The following RNF220 variants were observed in gnomAD, a reference collection of about 807,000 sequenced individuals.
The protein encoded by RNF220 is E3 ubiquitin-protein ligase RNF220.
Under a neutral mutation model 67.1 loss-of-function variants are expected in RNF220, and 7 were observed. That is an observed-to-expected ratio of 0.10 (90% CI 0.06 to 0.20). The LOEUF (loss-of-function observed/expected upper bound fraction) is 0.20. Among genes scored for constraint, RNF220 ranks in the 10% least tolerant of loss-of-function variants. RNF220 has a pLI of 1.00. For synonymous variants in RNF220, 270 were observed against 283.2 expected, an observed-to-expected ratio of 0.95 and a Z score of 0.47; for missense variants, 565 against 740.3, an observed-to-expected ratio of 0.76 and a Z score of 2.75.
chr1:44,462,393 T>C (rs1158509962), intron 2 of RNF220, among the ~76,000 whole-genome samples: 2 of 152,164 alleles, frequency 1.3e-5, no homozygotes, highest in African/African-American at 4.8e-5. Context: ...ATAAAACTCA[T>C]AATATGTCGC....
intron 2 of RNF220, among the ~76,000 whole-genome samples, chr1:44,453,524 A>T (rs1652886549): frequency 6.6e-6 from 1 of 152,066 alleles, no homozygotes; most frequent in African/African-American, 2.4e-5. Flanking sequence ...GGATATTAAA[A>T]TATATATAAC....
chr1:44,491,690 G>A (rs1219850170), intron 2 of RNF220, among the ~76,000 whole-genome samples: 1 of 151,358 alleles, frequency 6.6e-6, no homozygotes, highest in Non-Finnish European at 1.5e-5. Flanking sequence ...TTGAGACAAG[G>A]TCTCACTCTG....
intron 2 of RNF220, among the ~76,000 whole-genome samples, chr1:44,446,060 T>A (rs1652051763): frequency 6.6e-6 from 1 of 152,230 alleles, no homozygotes; most frequent in South Asian, 2.1e-4. Flanking sequence ...GTAACATTTG[T>A]CTAGTGAATT....
intron 2 of RNF220, among the ~76,000 whole-genome samples, chr1:44,433,490 T>C (rs1650629025): frequency 6.6e-6 from 1 of 152,212 alleles, no homozygotes; most frequent in South Asian, 2.1e-4. Flanking sequence ...ACTGTAAAGA[T>C]GAAGACATGA....
chr1:44,524,599 T>C (rs1334576976), intron 2 of RNF220, among the ~76,000 whole-genome samples: 1 of 152,208 alleles, frequency 6.6e-6, no homozygotes, highest in African/African-American at 2.4e-5. Flanking sequence ...CGTCTTGCTC[T>C]GCCCGTCTCT....
chr1:44,425,576 G>T (rs1490046528), intron 2 of RNF220, among the ~76,000 whole-genome samples: 1 of 152,134 alleles, frequency 6.6e-6, no homozygotes, highest in Non-Finnish European at 1.5e-5. Context: ...GAACGGTTCA[G>T]CAATAGGGCA....
chr1:44,543,313 G>A (rs1422450694), intron 2 of RNF220, among the ~76,000 whole-genome samples: 1 of 151,944 alleles, frequency 6.6e-6, no homozygotes, highest in Non-Finnish European at 1.5e-5. Context: ...TAGTGTTGTT[G>A]ACATGGGGCT....
intron 2 of RNF220, among the ~76,000 whole-genome samples, chr1:44,461,081 G>A (rs1369819213): frequency 6.6e-6 from 1 of 152,086 alleles, no homozygotes; most frequent in Non-Finnish European, 1.5e-5. Context: ...AAGCTCCCGG[G>A]GGCAGGGACG....
chr1:44,632,305 CTT>C (rs1295730838), intron 5 of RNF220, 36 bp from the exon 6 acceptor site: 14 of 1,613,872 alleles, frequency 8.7e-6, no homozygotes, highest in Admixed American at 8.3e-5. Flanking sequence ...CTGACGCTCT[CTT>C]TTCTTTTCTT....
At chr1:44,408,483 C>T (rs1291099516) in intron 1 of RNF220, among the ~76,000 whole-genome samples, 1 of 152,208 alleles carries the variant, frequency 6.6e-6, no homozygotes, top group African/African-American at 2.4e-5. Flanking sequence ...CGGGAATTCT[C>T]TTCAAGCGAA....
intron 2 of RNF220, among the ~76,000 whole-genome samples, chr1:44,553,670 A>T (rs1662849185): frequency 6.6e-6 from 1 of 152,216 alleles, no homozygotes; most frequent in African/African-American, 2.4e-5. Context: ...AAGACTGATG[A>T]AAACTTTCTG....
chr1:44,494,924 A>G (rs1657192494), intron 2 of RNF220, among the ~76,000 whole-genome samples: 1 of 152,226 alleles, frequency 6.6e-6, no homozygotes, highest in Non-Finnish European at 1.5e-5. Context: ...CACCATTAAC[A>G]GAAACAGGCC....
intron 2 of RNF220, among the ~76,000 whole-genome samples, chr1:44,431,500 C>CAAAAAA (rs34244024): frequency 1.1e-5 from 1 of 90,478 alleles, no homozygotes; most frequent in Non-Finnish European, 2.4e-5. Flanking sequence ...GACTTCATCT[C>CAAAAAA]AAAAAAAAAA....
intron 2 of RNF220, chr1:44,424,123 A>T: frequency 1.7e-6 from 1 of 601,356 alleles, no homozygotes; most frequent in Non-Finnish European, 2.1e-6. Flanking sequence ...CCTCTTCTTG[A>T]CAGCCTTATG....
chr1:44,461,064 A>G lies in RNF220; in HGVS notation c.625+48342A>G, dbSNP rs115353399. 6.2e-3 allele frequency among the ~76,000 whole-genome samples: 944 copies of G among 152,320 alleles called. 11 individuals are homozygous for G. Among genetic ancestry groups the G allele is most frequent in the African/African-American group, 0.021 (893 of 41,572 alleles). ...TTTGATTGATGTCTCTCTCTTAGCT[A>G]AAGCTTAAGCTCCCGGGGGCAGGGA... On this transcript the variant is annotated intron_variant, in intron 2 of 14. Transcript: ENST00000361799.
rs1647246326 is a variant in RNF220, at chr1:44,405,447, G to A, written c.-201G>A. On this transcript the variant is annotated 5_prime_UTR_variant, in exon 1 of 15. Transcript: ENST00000361799. ...GCCTCCGCCGGCTCTGCGAACCCGGGACTTTTCATGCACCACACTCTCCGC... is the reference window on the plus strand; with the variant it reads ...GCCTCCGCCGGCTCTGCGAACCCGGAACTTTTCATGCACCACACTCTCCGC... 1.6e-6 allele frequency: 1 copy of A among 608,526 alleles called. No individual in the cohort carries two copies. Among genetic ancestry groups the A allele is most frequent in the Admixed American group, 2.6e-5 (1 of 38,108 alleles). 37.7% of individuals were successfully genotyped at this position (608,526 alleles called of 1,614,324 possible).
intron 2 of RNF220, among the ~76,000 whole-genome samples, chr1:44,522,654 G>A (rs918722089): frequency 6.6e-6 from 1 of 151,904 alleles, no homozygotes; most frequent in East Asian, 1.9e-4. Flanking sequence ...CATCCCTCCT[G>A]GGGGGGCGGG....
At chr1:44,485,253 G>A (rs1355347881) in intron 2 of RNF220, among the ~76,000 whole-genome samples, 2 of 152,182 alleles carry the variant, frequency 1.3e-5, no homozygotes, top group Non-Finnish European at 2.9e-5. Context: ...TATATTTGAG[G>A]CAAATGCTCT....
chr1:44,474,595 G>A (rs1014319061), intron 2 of RNF220, among the ~76,000 whole-genome samples: 1 of 151,438 alleles, frequency 6.6e-6, no homozygotes, highest in Non-Finnish European at 1.5e-5. Context: ...TGTAGTCCCA[G>A]CTACTTGGGA....
Sources: gnomAD v4.1 joint callset for allele counts (sites outside exome capture counted in the v4.1 genomes callset) on GRCh38, gnomAD v4.1.1 for gene constraint, MANE v1.5 for transcripts, NCBI Gene and HGNC (gene_info 2026-07-23, HGNC 2026-07-21) for gene names.